Variants in VAV2 observed in about 807,000 individuals in gnomAD.
VAV2 encodes the protein vav guanine nucleotide exchange factor 2.
A neutral mutation model predicts 132.5 loss-of-function variants in VAV2; 67 were observed. The observed-to-expected ratio is 0.51, with a 90% CI of 0.42 to 0.62. The LOEUF (loss-of-function observed/expected upper bound fraction) is 0.62. Among genes scored for constraint, VAV2 ranks in the 20% least tolerant of loss-of-function variants. VAV2 has a pLI of 0.00. For synonymous variants in VAV2, 492 were observed against 443.5 expected, an observed-to-expected ratio of 1.11 and a Z score of -1.37; for missense variants, 938 against 1,153.6, an observed-to-expected ratio of 0.81 and a Z score of 2.71.
chr9:133,792,488 G>A (rs144521290), intron 12 of VAV2, among the ~76,000 whole-genome samples: 2,606 of 142,830 alleles, frequency 0.018, 33 homozygotes, highest in Middle Eastern at 0.038. Context: ...TGTGTGAGCA[G>A]GTTATGCTGA....
In VAV2 at chr9:133,831,434, C is replaced by T. The variant is rs934417148; in HGVS notation, c.449+2838G>A. On this transcript the variant is annotated intron_variant, in intron 4 of 29. Coordinates refer to ENST00000371850, the MANE Select transcript of VAV2 (RefSeq NM_001134398.2). Reference sequence around the variant, plus strand: ...CTGGGTGACAAGAGCAAAACTCCATCTCAAAAAAAGAAAAAAAAAAAATGA... The same window carrying T: ...CTGGGTGACAAGAGCAAAACTCCATTTCAAAAAAAGAAAAAAAAAAAATGA... Among the ~76,000 whole-genome samples, 7 of 149,638 alleles carry T rather than the reference C, an allele frequency of 4.7e-5. No individual in the cohort carries two copies. The East Asian group carries it at 1.4e-3, about 29-fold the overall frequency.
intron 3 of VAV2, 108 bp downstream of exon 3, chr9:133,861,266 A>T: frequency 8.0e-7 from 1 of 1,244,174 alleles, no homozygotes. Context: ...CATGATAAAG[A>T]CACAGGCAGA....
intron 12 of VAV2, among the ~76,000 whole-genome samples, chr9:133,795,109 CG>C: frequency 1.3e-5 from 2 of 152,250 alleles, no homozygotes; most frequent in East Asian, 3.9e-4. Flanking sequence ...TGCAGAAGGC[CG>C]GGAGTGCCAG....
intron 1 of VAV2, among the ~76,000 whole-genome samples, chr9:133,950,019 C>A (rs7854494): frequency 0.011 from 1,601 of 152,332 alleles, 26 homozygotes; most frequent in African/African-American, 0.037. Context: ...AGTCCAGGAA[C>A]CCCAGTGCTG....
intron 1 of VAV2, among the ~76,000 whole-genome samples, chr9:133,940,708 T>TGTGTGTGTGTGTGTGTGTG (rs59859289): frequency 7.3e-5 from 11 of 149,928 alleles, no homozygotes; most frequent in Non-Finnish European, 1.2e-4. Context: ...TGTGTGTGTG[T>TGTGTGTGTGTGTGTGTGTG]TTCTGAACAC....
intron 2 of VAV2, among the ~76,000 whole-genome samples, chr9:133,929,755 G>A (rs557418476): frequency 3.9e-5 from 6 of 152,110 alleles, no homozygotes; most frequent in South Asian, 2.1e-4. Context: ...GTAGTGATGC[G>A]GCCTGTCCCC....
intron 22 of VAV2, among the ~76,000 whole-genome samples, chr9:133,777,841 C>T (rs765677629): frequency 6.6e-6 from 1 of 152,180 alleles, no homozygotes; most frequent in Non-Finnish European, 1.5e-5. Context: ...AATCCATCAC[C>T]GAGTATGGAC....
intron 3 of VAV2, among the ~76,000 whole-genome samples, chr9:133,844,435 G>T (rs958929531): frequency 7.9e-5 from 12 of 152,212 alleles, no homozygotes; most frequent in African/African-American, 2.9e-4. Context: ...CTTAGGATTT[G>T]TCCATCAGAG....
chr9:133,787,333 C>A, intron 15 of VAV2, 73 bp from the exon 16 acceptor site: 1 of 1,464,452 alleles, frequency 6.8e-7, no homozygotes, highest in Admixed American at 2.2e-5. Context: ...TGGTGGGTGC[C>A]GCAGTGTGGA....
At chr9:133,820,567 C>A (rs1415028685) in intron 4 of VAV2, among the ~76,000 whole-genome samples, 1 of 152,034 alleles carries the variant, frequency 6.6e-6, no homozygotes, top group Admixed American at 6.6e-5. Flanking sequence ...CCTCGTGATC[C>A]GCCCGCCTCG....
chr9:133,917,437 C>CTTTTTTTTTTTTTTTTT (rs1196428348), intron 2 of VAV2, among the ~76,000 whole-genome samples: 1 of 49,012 alleles, frequency 2.0e-5, no homozygotes, highest in African/African-American at 1.0e-4. Context: ...ACAGAAAACT[C>CTTTTTTTTTTTTTTTTT]TTTCTTTTTT....
At chr9:133,805,820 C>CT (rs1835114505) in intron 9 of VAV2, among the ~76,000 whole-genome samples, 1 of 152,244 alleles carries the variant, frequency 6.6e-6, no homozygotes, top group South Asian at 2.1e-4. Context: ...GGCCACACCT[C>CT]TCACAGCCAG....
At chr9:133,782,819 A>G (rs1161934856) in intron 19 of VAV2, among the ~76,000 whole-genome samples, 3 of 152,192 alleles carry the variant, frequency 2.0e-5, no homozygotes, top group Non-Finnish European at 4.4e-5. Context: ...TGATGTCTGA[A>G]ACCTCTCAGG....
intron 9 of VAV2, among the ~76,000 whole-genome samples, chr9:133,798,716 G>A (rs1834817164): frequency 6.6e-6 from 1 of 152,242 alleles, no homozygotes; most frequent in African/African-American, 2.4e-5. Flanking sequence ...ACCACTCGCT[G>A]AGGCAGCTGC....
intron 2 of VAV2, among the ~76,000 whole-genome samples, chr9:133,913,384 C>T (rs1839949862): frequency 6.6e-6 from 1 of 152,234 alleles, no homozygotes; most frequent in African/African-American, 2.4e-5. Context: ...AGGGACCTCA[C>T]TACACCAGCG....
intron 3 of VAV2, among the ~76,000 whole-genome samples, chr9:133,845,780 G>A (rs74697617): frequency 0.011 from 1,677 of 152,318 alleles, 28 homozygotes; most frequent in African/African-American, 0.037. Flanking sequence ...CACACTCCAG[G>A]TGGCTGATGG....
Position 133,796,645 on chromosome 9 carries a change from C to T in VAV2, c.937-121G>A, listed in dbSNP as rs927593409. On this transcript the variant is annotated intron_variant, in intron 10 of 29. Coordinates refer to ENST00000371850, the MANE Select transcript of VAV2 (RefSeq NM_001134398.2). The stretch of plus-strand genomic sequence containing the variant: ...CAGAACTCAGGCCCAGACGTTTGGC[C>T]CTTCTCTAGCCAGGCTCCCGGAACC... 11 of 850,904 alleles carry T rather than the reference C, an allele frequency of 1.3e-5. No individual in the cohort carries two copies. In the African/African-American group the frequency reaches 1.9e-4, roughly 15 times the overall value. The allele number at this position is 850,904 out of a possible 1,614,324, so 52.7% of individuals were successfully genotyped here.
intron 14 of VAV2, 110 bp downstream of exon 14, chr9:133,789,148 T>C: frequency 8.5e-7 from 1 of 1,178,954 alleles, no homozygotes. Flanking sequence ...GCCAGGCAGC[T>C]CTTTCCACAG....
At chr9:133,797,924 C>A in intron 9 of VAV2, 115 bp from the exon 10 acceptor site, 1 of 820,272 alleles carries the variant, frequency 1.2e-6, no homozygotes, top group East Asian at 2.9e-5. Context: ...ACAGGCCCCT[C>A]CCCTGACAGC....
Sources: gnomAD v4.1 joint callset for allele counts (sites outside exome capture counted in the v4.1 genomes callset) on GRCh38, gnomAD v4.1.1 for gene constraint, MANE v1.5 for transcripts, NCBI Gene and HGNC (gene_info 2026-07-23, HGNC 2026-07-21) for gene names.